PPP2R5C: variants seen among roughly 807,000 people sequenced by gnomAD.
PPP2R5C encodes serine/threonine-protein phosphatase 2A 56 kDa regulatory subunit gamma isoform.
Under a neutral mutation model 68.9 loss-of-function variants are expected in PPP2R5C, and 7 were observed. The ratio of observed to expected loss-of-function variants is 0.10; its 90% CI spans 0.06 to 0.19. The LOEUF is 0.19. Among genes scored for constraint, PPP2R5C ranks in the 10% least tolerant of loss-of-function variants. The pLI, the probability that PPP2R5C is intolerant of heterozygous loss-of-function variation, is 1.00. For missense variants in PPP2R5C, 348 were observed against 641.3 expected (o/e 0.54, Z 4.94); for synonymous variants, 210 against 222.2 (o/e 0.95, Z 0.49).
rs75720048 is a variant in PPP2R5C, at chr14:101,891,798, G to C, written c.690-1202G>C. 0.016 allele frequency among the ~76,000 whole-genome samples: 2,510 copies of C among 152,334 alleles called. 21 individuals carry two copies. Among genetic ancestry groups the C allele is most frequent in the Middle Eastern group, 0.034 (10 of 294 alleles). On this transcript the variant is annotated intron_variant, in intron 6 of 13. Transcript: ENST00000334743. This position sits in a 1 kb window ranked among gnomAD's most constrained non-coding sequence, Gnocchi z 4.9. ...GTAATGGAAGACCAAGTTAGAGACA[G>C]CTCTGTCTACTTCTGCAGCTCAGTG...
chr14:101,906,281 A>T lies in PPP2R5C; in HGVS notation c.1024-121A>T. On this transcript the variant is annotated intron_variant, in intron 9 of 13. Coordinates refer to ENST00000334743, the Ensembl canonical transcript of PPP2R5C. This position sits in a 1 kb window ranked among gnomAD's most constrained non-coding sequence, Gnocchi z 4.0. ...AGTCTAGAATATTTTGAATTTGTAG[A>T]AATAATCATAATTTTCTGGTCCAAG... 1 of 1,109,238 alleles carries T rather than the reference A, an allele frequency of 9.0e-7. No individual in the cohort carries two copies. The highest frequency in any genetic ancestry group is 1.3e-6 in the Non-Finnish European group (1 of 793,134). The allele number at this position is 1,109,238 out of a possible 1,614,324, so 68.7% of individuals were successfully genotyped here. A position where few individuals can be genotyped will look rare whatever the true frequency, so the allele number is the denominator to read the frequency against.
intron 5 of PPP2R5C, among the ~76,000 whole-genome samples, chr14:101,884,568 C>T (rs1415032176): frequency 6.6e-6 from 1 of 152,234 alleles, no homozygotes; most frequent in African/African-American, 2.4e-5. Flanking sequence ...CCACTGTGCA[C>T]CAGGGGAGGG....
At chr14:101,860,010 G>A (rs1178511717) in intron 2 of PPP2R5C, among the ~76,000 whole-genome samples, 1 of 151,588 alleles carries the variant, frequency 6.6e-6, no homozygotes, top group Non-Finnish European at 1.5e-5. Flanking sequence ...ACTGCTAGAT[G>A]GTTTTTTTTA....
At chr14:101,773,484 T>C (rs775057097) in intron 2 of PPP2R5C, among the ~76,000 whole-genome samples, 68 of 152,106 alleles carry the variant, frequency 4.5e-4, no homozygotes, top group Admixed American at 1.2e-3. Flanking sequence ...AGATATTCAT[T>C]CAGCCAGAGG....
chr14:101,761,813 C>T (rs1305706219), upstream of PPP2R5C: 226 of 929,862 alleles, frequency 2.4e-4, no homozygotes, highest in Middle Eastern at 1.7e-3. Flanking sequence ...CGCGGGGGCG[C>T]GACGGCCGGG....
At chr14:101,767,055 G>A (rs2036895372) in intron 2 of PPP2R5C, 1 of 152,202 alleles carries the variant, frequency 6.6e-6, no homozygotes, top group African/African-American at 2.4e-5. Context: ...TTTTACACCT[G>A]CTTCAGCTTA....
chr14:101,901,913 A>C (rs2045713833), intron 9 of PPP2R5C, 24 bp downstream of exon 11: 2 of 1,604,284 alleles, frequency 1.2e-6, no homozygotes, highest in African/African-American at 2.7e-5. Context: ...GGGGGACCTG[A>C]TTAAATTCTT....
intron 12 of PPP2R5C, among the ~76,000 whole-genome samples, chr14:101,912,892 C>G (rs1255669918): frequency 6.6e-6 from 1 of 152,162 alleles, no homozygotes; most frequent in African/African-American, 2.4e-5. Context: ...TTTTGATGTC[C>G]TCTTTCTTTG....
chr14:101,796,437 C>T (rs1328386099), intron 3 of PPP2R5C: 1 of 152,276 alleles, frequency 6.6e-6, no homozygotes, highest in Non-Finnish European at 1.5e-5. Context: ...TCACACTGGC[C>T]ATCTGTGCTT....
intron 1 of PPP2R5C, among the ~76,000 whole-genome samples, chr14:101,832,841 A>G (rs1453148654): frequency 6.6e-6 from 1 of 152,166 alleles, no homozygotes. Context: ...ATTTCTCTGC[A>G]TGCTCTTCTG....
chr14:101,864,523 G>A (rs980286330), intron 2 of PPP2R5C, among the ~76,000 whole-genome samples: 30 of 152,186 alleles, frequency 2.0e-4, no homozygotes, highest in African/African-American at 5.5e-4. Context: ...CAAGGACTGC[G>A]GTGGCGGTCA....
chr14:101,772,811 A>G (rs1203021261), intron 2 of PPP2R5C, among the ~76,000 whole-genome samples: 1 of 152,176 alleles, frequency 6.6e-6, no homozygotes, highest in Non-Finnish European at 1.5e-5. Context: ...ATAAATAAGT[A>G]AAAAATAAAG....
chr14:101,880,032 T>G (rs1023638447), intron 2 of PPP2R5C, among the ~76,000 whole-genome samples: 3 of 152,150 alleles, frequency 2.0e-5, no homozygotes, highest in Non-Finnish European at 4.4e-5. Flanking sequence ...CTGCGCCGAG[T>G]GCCTGTGGGC....
chr14:101,792,295 C>T (rs760859394), intron 3 of PPP2R5C, among the ~76,000 whole-genome samples: 27 of 152,176 alleles, frequency 1.8e-4, no homozygotes, highest in Middle Eastern at 3.2e-3. Context: ...TTACATATTT[C>T]CCTTTACAAT....
chr14:101,884,624 C>T (rs2044373687), intron 5 of PPP2R5C, among the ~76,000 whole-genome samples: 1 of 152,266 alleles, frequency 6.6e-6, no homozygotes, highest in Non-Finnish European at 1.5e-5. Flanking sequence ...AGTCCAGTGG[C>T]AGGCCCACCT....
At chr14:101,777,804 A>G (rs1355773931) in intron 2 of PPP2R5C, among the ~76,000 whole-genome samples, 1 of 152,134 alleles carries the variant, frequency 6.6e-6, no homozygotes, top group Non-Finnish European at 1.5e-5. Context: ...ACAGGGTCTC[A>G]TTCTGTCACC....
chr14:101,870,770 C>A (rs2043356050), intron 2 of PPP2R5C, among the ~76,000 whole-genome samples: 1 of 152,328 alleles, frequency 6.6e-6, no homozygotes, highest in Middle Eastern at 3.4e-3. Context: ...AGCCTATGTA[C>A]ACAGCATGTC....
At chr14:101,883,897 A>G (rs1222860499) in intron 5 of PPP2R5C, among the ~76,000 whole-genome samples, 1 of 152,224 alleles carries the variant, frequency 6.6e-6, no homozygotes, top group Non-Finnish European at 1.5e-5. Context: ...GACCAACTGT[A>G]TTAGTGAAGG....
chr14:101,907,797 C>T (rs146794861), intron 10 of PPP2R5C, among the ~76,000 whole-genome samples: 115 of 152,306 alleles, frequency 7.6e-4, no homozygotes, highest in African/African-American at 2.6e-3. Flanking sequence ...GACCAGCCCT[C>T]TCCCATGCAC....
Sources: allele counts gnomAD v4.1 joint callset (sites outside exome capture counted in the v4.1 genomes callset), GRCh38; gene constraint gnomAD v4.1.1; non-coding constraint Gnocchi (gnomAD v3.1); transcripts MANE v1.5; gene names NCBI Gene and HGNC (gene_info 2026-07-23, HGNC 2026-07-21).